RNF135: variants seen among roughly 807,000 people sequenced by gnomAD.
The protein encoded by RNF135 is ring finger protein 135.
Under a neutral mutation model 41.9 loss-of-function variants are expected in RNF135, and 46 were observed. The ratio of observed to expected loss-of-function variants is 1.10; its 90% CI spans 0.87 to 1.40. The LOEUF is 1.40. RNF135 is among the 40% of genes most tolerant of loss of function. RNF135 has a pLI of 0.00. For missense variants in RNF135, 539 were observed against 549.8 expected, an observed-to-expected ratio of 0.98 and a Z score of 0.20; for synonymous variants, 238 against 223.8, an observed-to-expected ratio of 1.06 and a Z score of -0.57.
At chr17:30,986,715 G>A (rs920753628) in intron 2 of RNF135, among the ~76,000 whole-genome samples, 1 of 152,180 alleles carries the variant, frequency 6.6e-6, no homozygotes, top group South Asian at 2.1e-4. Context: ...TCATCTATCT[G>A]CGTCTCAGGT....
chr17:30,966,707 G>A (rs901553230), upstream of RNF135, among the ~76,000 whole-genome samples: 5 of 148,794 alleles, frequency 3.4e-5, no homozygotes, highest in African/African-American at 7.4e-5. Context: ...CGGTTTCACC[G>A]TGTTTGCCAG....
intron 1 of RNF135, among the ~76,000 whole-genome samples, chr17:30,982,458 A>G (rs1040258520): frequency 6.6e-6 from 1 of 152,116 alleles, no homozygotes; most frequent in Admixed American, 6.5e-5. Flanking sequence ...GAGTGCACAG[A>G]TTCTCTGTGC....
the RNF135 span, among the ~76,000 whole-genome samples, chr17:30,962,591 G>T: frequency 1.4e-4 from 22 of 152,078 alleles, no homozygotes; most frequent in African/African-American, 5.3e-4. Context: ...TCAGCCTCCC[G>T]AGTAGCTGGG....
intron 1 of RNF135, chr17:30,973,290 AAT>A (rs1396456742): frequency 3.3e-5 from 5 of 152,138 alleles, no homozygotes; most frequent in Admixed American, 3.3e-4. Flanking sequence ...TATATTATAA[AAT>A]ATATATTCTC....
intron 3 of RNF135, 39 bp from the exon 4 acceptor site, chr17:30,997,203 C>T: frequency 6.4e-7 from 1 of 1,554,982 alleles, no homozygotes; most frequent in Middle Eastern, 1.7e-4. Flanking sequence ...TTGCCTTTTT[C>T]TGATGGGACT....
At chr17:30,980,108 C>G (rs1308522510) in intron 1 of RNF135, 2 of 142,708 alleles carry the variant, frequency 1.4e-5, no homozygotes. Flanking sequence ...CCCTCCTGGA[C>G]GGGGCGACTG....
chr17:30,975,238 A>G, intron 1 of RNF135: 2 of 485,424 alleles, frequency 4.1e-6, no homozygotes, highest in East Asian at 3.5e-5. Flanking sequence ...TACGAAGAAC[A>G]CTTGAATCCA....
At chr17:30,993,449 T>TTG (rs1908127556) in intron 3 of RNF135, among the ~76,000 whole-genome samples, 1 of 151,672 alleles carries the variant, frequency 6.6e-6, no homozygotes, top group African/African-American at 2.4e-5. Context: ...CCAGCAATCC[T>TTG]TGTGCTTTGG....
intron 1 of RNF135, among the ~76,000 whole-genome samples, chr17:30,981,189 C>G (rs1425729169): frequency 1.3e-5 from 2 of 149,744 alleles, no homozygotes; most frequent in African/African-American, 2.5e-5. Context: ...GAAACCCCGT[C>G]TCCACCAAAA....
chr17:30,960,746 T>TA, the RNF135 span, among the ~76,000 whole-genome samples: 40 of 107,128 alleles, frequency 3.7e-4, no homozygotes, highest in African/African-American at 7.6e-3. Flanking sequence ...TTTATTTTAT[T>TA]TTTTTTTTTT....
intron 1 of RNF135, chr17:30,971,808 G>C (rs1304778441): frequency 9.7e-6 from 8 of 827,410 alleles, no homozygotes; most frequent in East Asian, 9.6e-5. Context: ...CTTTGAGACG[G>C]AGTCTCGCTC....
Position 30,971,141 on chromosome 17 carries a change from T to C in RNF135, c.68T>C (p.Ile23Thr), listed in dbSNP as rs1490397730. The change falls in exon 1 of 5, where the codon ATC (isoleucine) becomes ACC (threonine). Residue 23 changes from isoleucine (I) to threonine (T), a missense_variant. This residue lies in a region of RNF135 where 277 missense variants were observed against 212.8 expected (regional missense o/e 1.30). Coordinates refer to ENST00000328381, the MANE Select transcript of RNF135 (RefSeq NM_032322.4). The stretch of plus-strand genomic sequence containing the variant: ...GCCGAGGACGACCTCGGCTGCATCA[T>C]CTGCCAGGGGCTGCTGGACTGGCCC... ...WLAEDDLGCI[I>T]CQGLLDWPAT... 6.5e-7 allele frequency: 1 copy of C among 1,534,012 alleles called. No individual in the cohort carries two copies. The highest frequency in any genetic ancestry group is 8.7e-7 in the Non-Finnish European group (1 of 1,146,042).
At chr17:30,995,600 C>T (rs2142732554) in intron 3 of RNF135, among the ~76,000 whole-genome samples, 1 of 152,256 alleles carries the variant, frequency 6.6e-6, no homozygotes, top group South Asian at 2.1e-4. Context: ...CCCCCTCCTA[C>T]CTGGCAACCA....
chr17:30,984,824 G>T, intron 2 of RNF135, 64 bp downstream of exon 2: 2 of 1,501,906 alleles, frequency 1.3e-6, no homozygotes, highest in South Asian at 1.1e-5. Context: ...CTTTCAACTG[G>T]AACAACATGA....
chr17:30,979,631 C>G (rs1265825480), intron 1 of RNF135, among the ~76,000 whole-genome samples: 4 of 131,294 alleles, frequency 3.0e-5, no homozygotes, highest in Admixed American at 2.2e-4. Context: ...CCCCTCACCT[C>G]CCGGACGGGG....
chr17:30,965,321 A>G, the RNF135 span: 1 of 152,404 alleles, frequency 6.6e-6, no homozygotes, highest in East Asian at 1.9e-4. Context: ...AGCCTGGGCA[A>G]CAAAGACCCT....
At chr17:30,984,385 A>G (rs568135815) in intron 1 of RNF135, among the ~76,000 whole-genome samples, 2 of 152,236 alleles carry the variant, frequency 1.3e-5, no homozygotes, top group Non-Finnish European at 1.5e-5. Context: ...CAGTTTTCAC[A>G]GTACAATTTG....
chr17:30,992,606 C>T (rs1307569930), intron 3 of RNF135, among the ~76,000 whole-genome samples: 2 of 151,662 alleles, frequency 1.3e-5, no homozygotes, highest in African/African-American at 2.4e-5. Context: ...GCTGGGACTG[C>T]AGGTGCGTGT....
rs183434413 is a variant in RNF135, at chr17:30,973,523, A to G, written c.372+2078A>G. On this transcript the variant is annotated intron_variant, in intron 1 of 4. Transcript: ENST00000328381. ...CGCTCCTTTCCCAGGGATGGAGTGC[A>G]GTGACACGATCTCAGCTCACTGCAG... is the stretch of plus-strand genomic sequence containing the variant. Among the ~76,000 whole-genome samples, 587 of 151,164 alleles carry G rather than the reference A, an allele frequency of 3.9e-3. 1 individual carries two copies. Among genetic ancestry groups the G allele is most frequent in the Non-Finnish European group, 6.9e-3 (466 of 67,872 alleles).
Sources: allele counts gnomAD v4.1 joint callset (sites outside exome capture counted in the v4.1 genomes callset), GRCh38; gene constraint gnomAD v4.1.1; regional missense constraint gnomAD v4.1.1; transcripts MANE v1.5; gene names NCBI Gene and HGNC (gene_info 2026-07-23, HGNC 2026-07-21).